GPR63: variants seen among roughly 807,000 people sequenced by gnomAD.
The protein encoded by GPR63 is probable G protein-coupled receptor 63.
In GPR63, 12 loss-of-function variants were observed where a neutral mutation model predicts 23.1. The observed-to-expected ratio is 0.52, with a 90% CI of 0.33 to 0.84. GPR63 has a LOEUF of 0.84. Among genes scored for constraint, GPR63 ranks in the 40% least tolerant of loss-of-function variants. GPR63 has a pLI of 0.02. For synonymous variants in GPR63, 172 were observed against 191.1 expected (o/e 0.90, Z 0.82); for missense variants, 472 against 515.6 (o/e 0.92, Z 0.82).
At chr6:96,832,560 G>A (rs983591318) in intron 1 of GPR63, among the ~76,000 whole-genome samples, 1 of 151,794 alleles carries the variant, frequency 6.6e-6, no homozygotes, top group African/African-American at 2.4e-5. Context: ...GGCATGAATG[G>A]CCATGCCTGG....
chr6:96,803,766 CT>C (rs1562115420), intron 1 of GPR63, among the ~76,000 whole-genome samples: 1 of 152,194 alleles, frequency 6.6e-6, no homozygotes, highest in East Asian at 1.9e-4. Flanking sequence ...AAGTTTCACA[CT>C]TACAATTTGT....
At chr6:96,810,676 TTATG>T (rs893076082) in intron 1 of GPR63, among the ~76,000 whole-genome samples, 3 of 152,130 alleles carry the variant, frequency 2.0e-5, no homozygotes, top group East Asian at 1.9e-4. Flanking sequence ...AGTCCCATTG[TTATG>T]TATGTATGTA....
At chr6:96,836,168 C>T (rs1031660266) in intron 1 of GPR63, among the ~76,000 whole-genome samples, 3 of 152,206 alleles carry the variant, frequency 2.0e-5, no homozygotes, top group East Asian at 3.9e-4. Flanking sequence ...ATGGGGCTTC[C>T]TTTACCCACG....
At chr6:96,825,301 T>C (rs1774412473) in intron 1 of GPR63, among the ~76,000 whole-genome samples, 1 of 152,094 alleles carries the variant, frequency 6.6e-6, no homozygotes, top group Non-Finnish European at 1.5e-5. Flanking sequence ...AGAATATTTA[T>C]TACACTGGAA....
chr6:96,822,443 G>C (rs1774337549), intron 1 of GPR63, among the ~76,000 whole-genome samples: 1 of 152,104 alleles, frequency 6.6e-6, no homozygotes, highest in Non-Finnish European at 1.5e-5. Context: ...TTCAGTTTTA[G>C]TATTCAAAGT....
chr6:96,831,165 C>T (rs1192538775), intron 1 of GPR63, among the ~76,000 whole-genome samples: 1 of 152,044 alleles, frequency 6.6e-6, no homozygotes, highest in Non-Finnish European at 1.5e-5. Context: ...TCTATTATTC[C>T]ACAATTATGT....
intron 1 of GPR63, among the ~76,000 whole-genome samples, chr6:96,813,952 C>T (rs1322333312): frequency 2.0e-5 from 3 of 151,586 alleles, no homozygotes; most frequent in South Asian, 2.1e-4. Flanking sequence ...AAAACAAAAC[C>T]TTATGTAAAA....
At chr6:96,823,203 T>G (rs1774354955) in intron 1 of GPR63, among the ~76,000 whole-genome samples, 1 of 152,184 alleles carries the variant, frequency 6.6e-6, no homozygotes, top group Admixed American at 6.6e-5. Context: ...TATTAAGATT[T>G]CTAAAAGTTA....
At chr6:96,803,230 G>A (rs370305732) in intron 1 of GPR63, among the ~76,000 whole-genome samples, 2 of 152,172 alleles carry the variant, frequency 1.3e-5, no homozygotes, top group South Asian at 2.1e-4. Flanking sequence ...CTCAAAGGCT[G>A]TAACTAAACT....
rs774069933 is a variant in GPR63, at chr6:96,799,693, C to A, written c.39G>T (p.Gly13=). 6.2e-7 allele frequency: 1 copy of A among 1,613,954 alleles called. No individual in the cohort carries two copies. Among genetic ancestry groups the A allele is most frequent in the Non-Finnish European group, 8.5e-7 (1 of 1,180,024 alleles). ...ACACGACAAATGTTGTGTTGGATGT[C>A]CCGGTATGGAACGCAGTCAACACTG... ...FSAVLTAFHT[G]TSNTTFVVYE... The change falls in exon 2 of 2, where the codon GGG becomes GGT. Residue 13 remains glycine, a synonymous_variant. Coordinates refer to ENST00000229955, the MANE Select transcript of GPR63 (RefSeq NM_030784.4).
At chr6:96,829,059 A>T (rs2127960171) in intron 1 of GPR63, among the ~76,000 whole-genome samples, 1 of 152,356 alleles carries the variant, frequency 6.6e-6, no homozygotes, top group African/African-American at 2.4e-5. Context: ...CCATAATTAT[A>T]ATCTCTCAGT....
intron 1 of GPR63, among the ~76,000 whole-genome samples, chr6:96,834,326 G>T (rs1774666155): frequency 6.6e-6 from 1 of 152,138 alleles, no homozygotes; most frequent in Admixed American, 6.5e-5. Context: ...CAATTTTGTG[G>T]ATCATCTAGT....
intron 1 of GPR63, among the ~76,000 whole-genome samples, chr6:96,824,491 CTCCAAG>C (rs1316274840): frequency 6.6e-6 from 1 of 151,488 alleles, no homozygotes; most frequent in East Asian, 1.9e-4. Context: ...GAAAGGACTA[CTCCAAG>C]TAAAAGGGCT....
chr6:96,802,721 G>A (rs1036987886), intron 1 of GPR63, among the ~76,000 whole-genome samples: 17 of 108,378 alleles, frequency 1.6e-4, no homozygotes, highest in Non-Finnish European at 2.7e-4. Flanking sequence ...TTTTTTTTTT[G>A]TATTTTTAGT....
chr6:96,802,627 C>T (rs534070280), intron 1 of GPR63, among the ~76,000 whole-genome samples: 54 of 151,244 alleles, frequency 3.6e-4, no homozygotes, highest in Non-Finnish European at 6.5e-4. Flanking sequence ...ACAAGCTCCA[C>T]CTCCTGGGTT....
chr6:96,814,371 C>T (rs1774112479), intron 1 of GPR63, among the ~76,000 whole-genome samples: 1 of 152,156 alleles, frequency 6.6e-6, no homozygotes, highest in African/African-American at 2.4e-5. Flanking sequence ...AAAAAAATTT[C>T]AGATGTGCAA....
At chr6:96,805,291 G>C (rs1261698308) in intron 1 of GPR63, among the ~76,000 whole-genome samples, 1 of 152,044 alleles carries the variant, frequency 6.6e-6, no homozygotes, top group Non-Finnish European at 1.5e-5. Context: ...AGAGCGAGAG[G>C]GGTTGGTGCC....
chr6:96,800,819 T>C (rs12525976), intron 1 of GPR63, among the ~76,000 whole-genome samples: 38,690 of 152,072 alleles, frequency 0.25, 5,050 homozygotes, highest in East Asian at 0.34. Context: ...ATAACAAAGA[T>C]AGAGATGTTA....
At chr6:96,819,036 G>T (rs1403101920) in intron 1 of GPR63, among the ~76,000 whole-genome samples, 1 of 152,210 alleles carries the variant, frequency 6.6e-6, no homozygotes, top group East Asian at 1.9e-4. Flanking sequence ...TGCTGGAGAG[G>T]TTGTGGAGAA....
Sources: gnomAD v4.1 joint callset for allele counts (sites outside exome capture counted in the v4.1 genomes callset) on GRCh38, gnomAD v4.1.1 for gene constraint, MANE v1.5 for transcripts, NCBI Gene and HGNC (gene_info 2026-07-23, HGNC 2026-07-21) for gene names.